Variants in IMPG1 observed in about 807,000 individuals in gnomAD.
The protein encoded by IMPG1 is interphotoreceptor matrix proteoglycan 1, also known as interphotoreceptor matrix proteoglycan of 150 kDa.
IMPG1 carries 85 observed loss-of-function variants against 92.0 expected under a neutral mutation model. The observed-to-expected ratio is 0.92, with a 90% CI of 0.78 to 1.11. The LOEUF is 1.11. IMPG1 is among the 50% of genes least tolerant of loss of function. IMPG1 has a pLI of 0.00. For synonymous variants in IMPG1, 367 were observed against 334.1 expected (o/e 1.10, Z -1.08); for missense variants, 1,022 against 956.0 (o/e 1.07, Z -0.91).
chr6:75,974,393 T>TTCCTTCCTTCCTTCCTTGCTTCCTTCC (rs1313714060), intron 12 of IMPG1, among the ~76,000 whole-genome samples: 4 of 65,008 alleles, frequency 6.2e-5, no homozygotes, highest in African/African-American at 2.3e-4. Flanking sequence ...CTTTCTTTCT[T>TTCCTTCCTTCCTTCCTTGCTTCCTTCC]TTCTTTCTTT....
chr6:75,940,139 G>A (rs548585529), intron 14 of IMPG1, among the ~76,000 whole-genome samples: 2 of 152,232 alleles, frequency 1.3e-5, no homozygotes, highest in Admixed American at 1.3e-4. Context: ...CCCATTAACT[G>A]TTGGGGTTAT....
intron 12 of IMPG1, among the ~76,000 whole-genome samples, chr6:75,981,860 C>G (rs920374260): frequency 6.6e-6 from 1 of 152,174 alleles, no homozygotes; most frequent in Non-Finnish European, 1.5e-5. Context: ...TTTTGGGGGA[C>G]ACTTTAGTAG....
chr6:75,981,941 T>G (rs1782634588), intron 12 of IMPG1, among the ~76,000 whole-genome samples: 1 of 152,236 alleles, frequency 6.6e-6, no homozygotes, highest in Non-Finnish European at 1.5e-5. Context: ...CAAAAGGTAC[T>G]TGAGCTGCCT....
intron 1 of IMPG1, among the ~76,000 whole-genome samples, chr6:76,055,686 A>G (rs2127596792): frequency 6.6e-6 from 1 of 152,168 alleles, no homozygotes; most frequent in Middle Eastern, 3.5e-3. Flanking sequence ...AGAAGACAAA[A>G]TTAACTAATA....
intron 8 of IMPG1, among the ~76,000 whole-genome samples, chr6:76,010,009 G>C (rs999674105): frequency 6.6e-6 from 1 of 152,118 alleles, no homozygotes; most frequent in African/African-American, 2.4e-5. Flanking sequence ...AAATACTACC[G>C]AGCAGCATCT....
chr6:76,064,359 C>G (rs1414685761), intron 1 of IMPG1, among the ~76,000 whole-genome samples: 1 of 110,732 alleles, frequency 9.0e-6, no homozygotes, highest in South Asian at 3.4e-4. Context: ...ATGGGGCAAC[C>G]ATTTTTTTTT....
At chr6:76,039,791 G>A (rs1783804071) in intron 2 of IMPG1, among the ~76,000 whole-genome samples, 1 of 152,216 alleles carries the variant, frequency 6.6e-6, no homozygotes. Flanking sequence ...AGTTCAGCCT[G>A]TAGATTAGCA....
intron 1 of IMPG1, among the ~76,000 whole-genome samples, chr6:76,070,466 T>C (rs1784387708): frequency 6.6e-6 from 1 of 152,158 alleles, no homozygotes; most frequent in Non-Finnish European, 1.5e-5. Flanking sequence ...CACTGCTGGG[T>C]ATCTACCCAA....
intron 14 of IMPG1, 56 bp downstream of exon 14, chr6:75,947,258 G>C: frequency 1.5e-6 from 2 of 1,349,688 alleles, no homozygotes; most frequent in Non-Finnish European, 2.1e-6. Flanking sequence ...AAAACAGAAC[G>C]AAATTAAAAA....
chr6:75,926,873 A>G (rs141331031), intron 15 of IMPG1, among the ~76,000 whole-genome samples: 88 of 152,340 alleles, frequency 5.8e-4, no homozygotes, highest in African/African-American at 1.8e-3. Context: ...AAAGGTGAAA[A>G]TGTAATGAGA....
intron 12 of IMPG1, among the ~76,000 whole-genome samples, chr6:75,957,135 G>A (rs1356770940): frequency 6.6e-6 from 1 of 152,082 alleles, no homozygotes; most frequent in Non-Finnish European, 1.5e-5. Context: ...GGCCTGACTG[G>A]TCTTGAACTC....
chr6:76,058,869 G>A (rs1784161409), intron 1 of IMPG1, among the ~76,000 whole-genome samples: 1 of 152,176 alleles, frequency 6.6e-6, no homozygotes, highest in South Asian at 2.1e-4. Flanking sequence ...CAAAAGCTAA[G>A]TTTTCCTAGA....
intron 4 of IMPG1, among the ~76,000 whole-genome samples, chr6:76,033,422 G>A (rs1783685065): frequency 6.6e-6 from 1 of 152,192 alleles, no homozygotes; most frequent in Admixed American, 6.5e-5. Flanking sequence ...AGAGGAAGAT[G>A]TAGGAATCTT....
intron 14 of IMPG1, among the ~76,000 whole-genome samples, chr6:75,940,223 G>C (rs930123779): frequency 1.3e-5 from 2 of 152,118 alleles, no homozygotes; most frequent in Admixed American, 1.3e-4. Flanking sequence ...CTGTTCTCTG[G>C]CTTCAGTTGA....
chr6:75,948,336 T>G (rs959496544), intron 13 of IMPG1, among the ~76,000 whole-genome samples: 2 of 151,790 alleles, frequency 1.3e-5, no homozygotes, highest in African/African-American at 2.4e-5. Flanking sequence ...TGAAACTCAG[T>G]GATGTTCACC....
intron 12 of IMPG1, among the ~76,000 whole-genome samples, chr6:75,999,035 T>G (rs1400606282): frequency 1.3e-5 from 2 of 152,174 alleles, no homozygotes; most frequent in South Asian, 4.1e-4. Context: ...TTTTGTATTT[T>G]TAGTAGAGAC....
chr6:75,945,964 G>A (rs1781921310), intron 14 of IMPG1, among the ~76,000 whole-genome samples: 1 of 152,188 alleles, frequency 6.6e-6, no homozygotes, highest in Non-Finnish European at 1.5e-5. Flanking sequence ...TCAGCTCCCT[G>A]AGGGAGGAAG....
Position 76,042,140 on chromosome 6 carries a change from A to G in IMPG1, c.68-14T>C, listed in dbSNP as rs1436907998. 7.8e-7 allele frequency: 1 copy of G among 1,275,720 alleles called. No homozygotes were observed. 79.0% of individuals were successfully genotyped at this position (1,275,720 alleles called of 1,614,324 possible). On this transcript the variant is annotated splice_polypyrimidine_tract_variant and intron_variant, in intron 1 of 16. Coordinates refer to ENST00000369950, the MANE Select transcript of IMPG1 (RefSeq NM_001563.4). ...TAATGGAGATATCTGTAAAAGAAAGATTGATATCCTGGTGAATATATACAT... is the reference window on the plus strand; with the variant it reads ...TAATGGAGATATCTGTAAAAGAAAGGTTGATATCCTGGTGAATATATACAT...
At chr6:75,924,638 T>TG (rs1781504114) in intron 15 of IMPG1, among the ~76,000 whole-genome samples, 1 of 20,758 alleles carries the variant, frequency 4.8e-5, no homozygotes, top group Non-Finnish European at 7.8e-5. Context: ...TTATATATTA[T>TG]ATATAATTAA....
Sources: gnomAD v4.1 joint callset for allele counts (sites outside exome capture counted in the v4.1 genomes callset) on GRCh38, gnomAD v4.1.1 for gene constraint, MANE v1.5 for transcripts, NCBI Gene and HGNC (gene_info 2026-07-23, HGNC 2026-07-21) for gene names.